PARD3: variants seen among roughly 807,000 people sequenced by gnomAD.
PARD3 encodes partitioning defective 3 homolog.
PARD3 carries 75 observed loss-of-function variants against 155.4 expected under a neutral mutation model. That is an observed-to-expected ratio of 0.48 (90% confidence interval 0.40 to 0.58). PARD3 has a LOEUF of 0.58. Ranked by LOEUF, PARD3 falls within the 20% of genes least tolerant of loss-of-function variation. The pLI, the probability that PARD3 is intolerant of heterozygous loss-of-function variation, is 0.00. For missense variants in PARD3, 1,642 were observed against 1,721.7 expected (o/e 0.95, Z 0.82); for synonymous variants, 576 against 610.5 (o/e 0.94, Z 0.83).
At chr10:34,318,478 C>G (rs187656862) in intron 19 of PARD3, among the ~76,000 whole-genome samples, 1 of 152,324 alleles carries the variant, frequency 6.6e-6, no homozygotes, top group African/African-American at 2.4e-5. Context: ...TCTTCCCAAA[C>G]TTTTGCAAAG....
At chr10:34,801,989 T>C (rs1289346989) in intron 1 of PARD3, among the ~76,000 whole-genome samples, 2 of 152,240 alleles carry the variant, frequency 1.3e-5, no homozygotes, top group Non-Finnish European at 2.9e-5. Context: ...TTTATACTTT[T>C]ATCCTTTCCA....
chr10:34,111,495 C>T lies in PARD3; in HGVS notation c.3736G>A (p.Gly1246Ser), dbSNP rs757259023. 54 of 1,614,084 alleles carry T rather than the reference C, an allele frequency of 3.3e-5. No homozygotes were observed. In the East Asian group the frequency reaches 1.2e-3, roughly 35 times the overall value. Residue 1246 changes from glycine to serine, a missense_variant, in exon 25 of 25, where the codon GGC (glycine) becomes AGC (serine). Physicochemically the swap from Gly to Ser is moderately conservative, Grantham distance 56 (BLOSUM62 0). Coordinates refer to ENST00000374788, the MANE Select transcript of PARD3 (RefSeq NM_001184785.2). Reference protein sequence around the residue: ...SWEQNYSPGEGFQSAKENPRY... With the variant: ...SWEQNYSPGESFQSAKENPRY... ...GGGTTCTCTTTGGCACTCTGGAAGC[C>T]TTCCCCAGGGGAGTAGTTCTGCTCC...
At chr10:34,338,993 A>C (rs910556662) in intron 16 of PARD3, among the ~76,000 whole-genome samples, 3 of 152,220 alleles carry the variant, frequency 2.0e-5, no homozygotes, top group African/African-American at 7.2e-5. Context: ...GCCCCTTCAC[A>C]TACTACTATG....
At chr10:34,147,411 T>C (rs1309765535) in intron 22 of PARD3, among the ~76,000 whole-genome samples, 1 of 150,328 alleles carries the variant, frequency 6.7e-6, no homozygotes, top group Non-Finnish European at 1.5e-5. Context: ...GCAGAGTTTT[T>C]TCTTTTTTTC....
chr10:34,622,819 CT>C (rs1391152056), intron 2 of PARD3, among the ~76,000 whole-genome samples: 24 of 129,744 alleles, frequency 1.8e-4, no homozygotes, highest in Middle Eastern at 4.6e-3. Flanking sequence ...AGTTGGTTTT[CT>C]TTTTTTCTTT....
chr10:34,266,175 T>C (rs992568844), intron 22 of PARD3, among the ~76,000 whole-genome samples: 1 of 152,110 alleles, frequency 6.6e-6, no homozygotes, highest in East Asian at 1.9e-4. Context: ...TTAAGTAACA[T>C]TATAATCAAA....
chr10:34,581,486 G>A (rs1202721892), intron 2 of PARD3, among the ~76,000 whole-genome samples: 2 of 151,502 alleles, frequency 1.3e-5, no homozygotes, highest in African/African-American at 4.9e-5. Context: ...TACCCACCTC[G>A]GCCTCCCAAA....
At chr10:34,309,996 A>C (rs1589135467) in intron 20 of PARD3, among the ~76,000 whole-genome samples, 1 of 152,102 alleles carries the variant, frequency 6.6e-6, no homozygotes, top group East Asian at 1.9e-4. Flanking sequence ...TTTGCTTCTA[A>C]ATTGGCTATT....
At chr10:34,487,239 G>T (rs573944886) in intron 3 of PARD3, among the ~76,000 whole-genome samples, 2 of 152,032 alleles carry the variant, frequency 1.3e-5, no homozygotes, top group East Asian at 3.9e-4. Context: ...CCATCTCTGA[G>T]AAGTTTAAAA....
intron 21 of PARD3, among the ~76,000 whole-genome samples, chr10:34,276,937 C>CTAAT (rs1180294936): frequency 2.0e-5 from 3 of 151,950 alleles, no homozygotes; most frequent in Non-Finnish European, 4.4e-5. Context: ...ATAGAATATA[C>CTAAT]TAATATTAGT....
At chr10:34,774,761 C>A (rs752017179) in intron 1 of PARD3, among the ~76,000 whole-genome samples, 18 of 152,190 alleles carry the variant, frequency 1.2e-4, no homozygotes, top group Admixed American at 2.6e-4. Context: ...CCTGCATGCA[C>A]ATATGTCATT....
chr10:34,517,941 C>T (rs1404592402), intron 2 of PARD3, among the ~76,000 whole-genome samples: 1 of 152,160 alleles, frequency 6.6e-6, no homozygotes, highest in African/African-American at 2.4e-5. Context: ...TGCAATGGCA[C>T]GATTTCGGCT....
intron 22 of PARD3, among the ~76,000 whole-genome samples, chr10:34,238,727 C>G (rs1317547464): frequency 1.3e-5 from 2 of 152,160 alleles, no homozygotes; most frequent in Middle Eastern, 3.2e-3. Flanking sequence ...TGACTCTAAC[C>G]TGAAGGAATA....
chr10:34,182,026 CTCTT>C lies in PARD3; in HGVS notation c.3420-50447_3420-50444del, dbSNP rs1564461406. ...TGAATTTACTTCGGCTAACACTGCTCTCTTTCTGAGTCTATACCGCTGATGAAAA... is the reference window on the plus strand; with the variant it reads ...TGAATTTACTTCGGCTAACACTGCTCTCTGAGTCTATACCGCTGATGAAAA... On this transcript the variant is annotated intron_variant, in intron 22 of 24. Coordinates refer to ENST00000374788, the MANE Select transcript of PARD3 (RefSeq NM_001184785.2). 2.0e-5 allele frequency among the ~76,000 whole-genome samples: 3 copies of C among 152,328 alleles called. No individual in the cohort carries two copies. In the East Asian group the frequency reaches 5.8e-4, roughly 29 times the overall value.
intron 23 of PARD3, among the ~76,000 whole-genome samples, chr10:34,130,453 C>T (rs1947547473): frequency 1.3e-5 from 2 of 152,172 alleles, no homozygotes; most frequent in Admixed American, 1.3e-4. Flanking sequence ...GGTCAAATTA[C>T]CATGCTGCCT....
At chr10:34,398,534 T>TA (rs1843572064) in intron 7 of PARD3, among the ~76,000 whole-genome samples, 1 of 152,140 alleles carries the variant, frequency 6.6e-6, no homozygotes, top group African/African-American at 2.4e-5. Flanking sequence ...AGAGAGCAAG[T>TA]AAGAGAAGAT....
intron 1 of PARD3, among the ~76,000 whole-genome samples, chr10:34,709,597 GA>G (rs944138027): frequency 3.3e-5 from 5 of 151,796 alleles, no homozygotes; most frequent in African/African-American, 1.2e-4. Flanking sequence ...AGGAAGCTAT[GA>G]CTACCCCTGG....
At chr10:34,441,261 A>G (rs1017905633) in intron 5 of PARD3, among the ~76,000 whole-genome samples, 11 of 152,204 alleles carry the variant, frequency 7.2e-5, no homozygotes, top group African/African-American at 2.7e-4. Context: ...AATGTTACCT[A>G]AAAAGATATG....
intron 22 of PARD3, among the ~76,000 whole-genome samples, chr10:34,215,354 T>A (rs1951953303): frequency 6.6e-6 from 1 of 152,146 alleles, no homozygotes; most frequent in Non-Finnish European, 1.5e-5. Context: ...CTACCTGTAA[T>A]AAAGTAAGGG....
Sources: gnomAD v4.1 joint callset for allele counts (sites outside exome capture counted in the v4.1 genomes callset) on GRCh38, gnomAD v4.1.1 for gene constraint, MANE v1.5 for transcripts, NCBI Gene and HGNC (gene_info 2026-07-23, HGNC 2026-07-21) for gene names.